CAMTA1: variants seen among roughly 807,000 people sequenced by gnomAD.
CAMTA1 encodes calmodulin binding transcription activator 1, also known as calmodulin-binding transcription activator 1.
A neutral mutation model predicts 170.9 loss-of-function variants in CAMTA1; 27 were observed. The observed-to-expected ratio is 0.16, with a 90% CI of 0.12 to 0.22. The LOEUF (loss-of-function observed/expected upper bound fraction) is 0.22, where lower values mean the gene tolerates loss of function less well. CAMTA1 is among the 10% of genes least tolerant of loss of function. CAMTA1 has a pLI of 1.00. For synonymous variants in CAMTA1, 833 were observed against 891.5 expected, an observed-to-expected ratio of 0.93 and a Z score of 1.17; for missense variants, 1,619 against 2,217.2, an observed-to-expected ratio of 0.73 and a Z score of 5.42.
chr1:6,975,345 G>A (rs1693227276), intron 3 of CAMTA1, among the ~76,000 whole-genome samples: 1 of 152,206 alleles, frequency 6.6e-6, no homozygotes, highest in Admixed American at 6.5e-5. Context: ...TAGCGTCACT[G>A]CATGCAAATT....
At chr1:7,473,711 C>G (rs991726358) in intron 6 of CAMTA1, among the ~76,000 whole-genome samples, 7 of 152,226 alleles carry the variant, frequency 4.6e-5, no homozygotes, top group Non-Finnish European at 1.0e-4. Flanking sequence ...CCAGGCACCC[C>G]CAGCCAACAG....
chr1:7,310,280 G>T (rs1274914293), intron 5 of CAMTA1, among the ~76,000 whole-genome samples: 2 of 152,208 alleles, frequency 1.3e-5, no homozygotes, highest in African/African-American at 4.8e-5. Flanking sequence ...TTTCAGAGGA[G>T]AAATCTTCAG....
chr1:7,652,709 C>T (rs2095855714), intron 7 of CAMTA1, among the ~76,000 whole-genome samples: 1 of 152,186 alleles, frequency 6.6e-6, no homozygotes. Context: ...TGAAGTGAGT[C>T]TTGCTGCTCA....
chr1:7,366,511 A>G (rs2085978876), intron 5 of CAMTA1, among the ~76,000 whole-genome samples: 1 of 152,198 alleles, frequency 6.6e-6, no homozygotes, highest in Admixed American at 6.5e-5. Context: ...AAATGGAATT[A>G]TTTACAACCA....
chr1:7,420,036 T>C (rs1356411846), intron 5 of CAMTA1, among the ~76,000 whole-genome samples: 1 of 152,182 alleles, frequency 6.6e-6, no homozygotes, highest in East Asian at 1.9e-4. Flanking sequence ...CTAATGTCAC[T>C]TTCCTGCTCA....
In CAMTA1 at chr1:7,680,314, T is replaced by A. The variant is rs1306692135; in HGVS notation, c.2914+2581T>A. The stretch of plus-strand genomic sequence containing the variant: ...CCCGTCCCCGCGGGCGCTGGGCCGA[T>A]TCTCCCTCCGCGCTGGCCAGGCCGT... On this transcript the variant is annotated intron_variant, in intron 11 of 22. Transcript: ENST00000303635. This position sits in a 1 kb window ranked among gnomAD's most constrained non-coding sequence, Gnocchi z 4.4. 5 of 184,986 alleles carry A rather than the reference T, an allele frequency of 2.7e-5. No individual in the cohort carries two copies. Among genetic ancestry groups the A allele is most frequent in the Non-Finnish European group, 4.7e-5 (4 of 84,848 alleles). 11.5% of individuals were successfully genotyped at this position (184,986 alleles called of 1,614,324 possible).
At chr1:7,639,833 A>C (rs1385048892) in intron 6 of CAMTA1, among the ~76,000 whole-genome samples, 2 of 151,642 alleles carry the variant, frequency 1.3e-5, no homozygotes, top group East Asian at 3.9e-4. Flanking sequence ...CCACGGCTGA[A>C]GGCAGAGGGG....
chr1:7,556,547 A>G (rs947308416), intron 6 of CAMTA1, among the ~76,000 whole-genome samples: 1 of 152,196 alleles, frequency 6.6e-6, no homozygotes. Context: ...ATGCACACGC[A>G]CATCACCTCG....
At chr1:7,654,779 A>G (rs2095871106) in intron 7 of CAMTA1, among the ~76,000 whole-genome samples, 1 of 146,374 alleles carries the variant, frequency 6.8e-6, no homozygotes, top group Admixed American at 6.9e-5. Flanking sequence ...CTAAACACAC[A>G]CCTATACCCA....
chr1:6,926,486 T>C (rs541042606), intron 3 of CAMTA1, among the ~76,000 whole-genome samples: 41 of 134,834 alleles, frequency 3.0e-4, no homozygotes, highest in Admixed American at 6.0e-4. Context: ...CTTTCTTTCT[T>C]TCTCTCTCTC....
chr1:6,992,887 T>A (rs1696623517), intron 3 of CAMTA1, among the ~76,000 whole-genome samples: 1 of 152,236 alleles, frequency 6.6e-6, no homozygotes, highest in South Asian at 2.1e-4. Flanking sequence ...CATGTCACCA[T>A]CTCAGATTAA....
intron 7 of CAMTA1, among the ~76,000 whole-genome samples, chr1:7,654,940 ACACCTATACACACACAAACACACC>A (rs2095874403): frequency 1.3e-5 from 2 of 149,608 alleles, no homozygotes; most frequent in South Asian, 2.1e-4. Context: ...ACACAAGCAC[ACACCTATACACACACAAACACACC>A]CACCTATACA....
In CAMTA1 at chr1:7,609,235, A is replaced by T. The variant is rs1208681596; in HGVS notation, c.511-31165A>T. ...TTGCTCATCCTTGAGCCTGGGTTGG[A>T]TTTTTTTTTAATGTTTAAAAATTCC... On this transcript the variant is annotated intron_variant, in intron 6 of 22. Transcript: ENST00000303635. This position sits in a 1 kb window ranked among gnomAD's most constrained non-coding sequence, Gnocchi z 4.4. Among the ~76,000 whole-genome samples, 1 of 151,062 alleles carries T rather than the reference A, an allele frequency of 6.6e-6. No homozygotes were observed. Among genetic ancestry groups the T allele is most frequent in the African/African-American group, 2.4e-5 (1 of 41,096 alleles).
chr1:6,832,109 AGTCT>A (rs1369631882), intron 3 of CAMTA1, among the ~76,000 whole-genome samples: 2 of 150,514 alleles, frequency 1.3e-5, no homozygotes, highest in Non-Finnish European at 3.0e-5. Context: ...TTTGAGACAG[AGTCT>A]CATTCTGTCA....
rs549444289 is a variant in CAMTA1, at chr1:7,551,293, G to A, written c.510+83392G>A. Among the ~76,000 whole-genome samples, 345 of 129,940 alleles carry A rather than the reference G, an allele frequency of 2.7e-3. 3 individuals are homozygous for A. Among genetic ancestry groups the A allele is most frequent in the Non-Finnish European group, 2.5e-3 (157 of 63,258 alleles). 85.2% of individuals were successfully genotyped at this position (129,940 alleles called of 152,430 possible). On this transcript the variant is annotated intron_variant, in intron 6 of 22. Coordinates refer to ENST00000303635, the MANE Select transcript of CAMTA1 (RefSeq NM_015215.4). ...CTGCAGGGCCAAAGGACATGTGTGCGCAGGTGCACTGAGTGTATGTGCATG... is the reference window on the plus strand; with the variant it reads ...CTGCAGGGCCAAAGGACATGTGTGCACAGGTGCACTGAGTGTATGTGCATG...
At position 7,002,328 on chromosome 1, in the gene CAMTA1, C is replaced by A. The variant is rs1698344633; in HGVS notation, c.235-88976C>A. ...GGGATACGGGAGTCAGGAGACCCAC[C>A]TGCATTACAGACTGGTGATGGTGAT... On this transcript the variant is annotated intron_variant, in intron 3 of 22. Coordinates refer to ENST00000303635, the MANE Select transcript of CAMTA1 (RefSeq NM_015215.4). Among the ~76,000 whole-genome samples the A allele has an allele frequency of 2.0e-5, 3 of 152,166 alleles. No individual in the cohort carries two copies. In the South Asian group the frequency reaches 6.2e-4, roughly 32 times the overall value.
At chr1:6,994,050 T>A (rs1027276119) in intron 3 of CAMTA1, among the ~76,000 whole-genome samples, 4 of 152,214 alleles carry the variant, frequency 2.6e-5, no homozygotes, top group African/African-American at 9.6e-5. Flanking sequence ...AATCTACATG[T>A]AGTTAATATT....
intron 6 of CAMTA1, among the ~76,000 whole-genome samples, chr1:7,555,380 C>T (rs2094862094): frequency 6.6e-6 from 1 of 152,114 alleles, no homozygotes; most frequent in Non-Finnish European, 1.5e-5. Flanking sequence ...GCAGCCCCTC[C>T]ATTCATGCTC....
chr1:7,264,453 T>G (rs971858718), intron 5 of CAMTA1, among the ~76,000 whole-genome samples: 1 of 152,222 alleles, frequency 6.6e-6, no homozygotes, highest in African/African-American at 2.4e-5. Context: ...TTGGTCAGAC[T>G]CTTGTCTTTT....
Sources: gnomAD v4.1 joint callset for allele counts (sites outside exome capture counted in the v4.1 genomes callset) on GRCh38, gnomAD v4.1.1 for gene constraint, Gnocchi (gnomAD v3.1) non-coding constraint, MANE v1.5 for transcripts, NCBI Gene and HGNC (gene_info 2026-07-23, HGNC 2026-07-21) for gene names.